The following CFLAR variants were observed in gnomAD, a reference collection of about 807,000 sequenced individuals.
CFLAR encodes CASP8 and FADD like apoptosis regulator.
Under a neutral mutation model 51.1 loss-of-function variants are expected in CFLAR, and 14 were observed. The observed-to-expected ratio is 0.27, with a 90% CI of 0.18 to 0.43. CFLAR has a LOEUF of 0.43. CFLAR is among the 20% of genes least tolerant of loss of function. The pLI is 1.00. For synonymous variants in CFLAR, 210 were observed against 211.6 expected (o/e 0.99, Z 0.06); for missense variants, 390 against 566.5 (o/e 0.69, Z 3.16).
At chr2:201,156,681 G>A (rs1011328228) in intron 8 of CFLAR, among the ~76,000 whole-genome samples, 48 of 152,056 alleles carry the variant, frequency 3.2e-4, no homozygotes, top group African/African-American at 1.1e-3. Flanking sequence ...GAACAGCCCT[G>A]TACTAACTGC....
Position 201,170,428 on chromosome 2 carries a change from A to G in CFLAR, c.*6455A>G, listed in dbSNP as rs1943943440. ...AAGAATTCTAACAAGAGGAATTCCA[A>G]GAATGTCATAAATGGATGTTTCTCC... is the stretch of plus-strand genomic sequence containing the variant. On this transcript the variant is annotated 3_prime_UTR_variant, in exon 10 of 10. Transcript: ENST00000309955. 1 of 152,194 alleles carries G rather than the reference A, an allele frequency of 6.6e-6. No homozygotes were observed. The highest frequency in any genetic ancestry group is 6.5e-5 in the Admixed American group (1 of 15,276). 9.4% of individuals were successfully genotyped at this position (152,194 alleles called of 1,614,324 possible).
chr2:201,152,291 C>T (rs572768720), intron 8 of CFLAR, among the ~76,000 whole-genome samples: 1 of 152,100 alleles, frequency 6.6e-6, no homozygotes, highest in African/African-American at 2.4e-5. Flanking sequence ...CCACCACGCT[C>T]GGCTTCTAAT....
At chr2:201,140,711 C>T in intron 5 of CFLAR, 1 of 288,070 alleles carries the variant, frequency 3.5e-6, no homozygotes, top group South Asian at 6.2e-5. Flanking sequence ...TGGTATATTT[C>T]CTTCTAGACT....
In CFLAR at chr2:201,176,237, T is replaced by C. The variant is rs1944167307; in HGVS notation, c.*12264T>C. On this transcript the variant is annotated 3_prime_UTR_variant, in exon 10 of 10. Coordinates refer to ENST00000309955, the MANE Select transcript of CFLAR (RefSeq NM_003879.7). ...GTTACTTTTCCCCACTCCTGAGATC[T>C]TTTTGAGAAGCTGATGATCAGTCTC... 7.4e-6 allele frequency: 1 copy of C among 134,592 alleles called. No individual in the cohort carries two copies. The highest frequency in any genetic ancestry group is 2.8e-5 in the African/African-American group (1 of 35,418). The allele number at this position is 134,592 out of a possible 1,614,324, so 8.3% of individuals were successfully genotyped here.
At chr2:201,137,085 A>G (rs2050224420) in intron 4 of CFLAR, 1 of 179,168 alleles carries the variant, frequency 5.6e-6, no homozygotes, top group African/African-American at 2.4e-5. Context: ...GAAGTGCCAC[A>G]TGCCTGAGGG....
Position 201,167,151 on chromosome 2 carries a change from CAG to C in CFLAR, c.*3181_*3182del, listed in dbSNP as rs967402954. On this transcript the variant is annotated 3_prime_UTR_variant, in exon 10 of 10. Coordinates refer to ENST00000309955, the MANE Select transcript of CFLAR (RefSeq NM_003879.7). ...TGTATATTTTGTCATGATCATGTAACAGAGTCTGAAAAGTGTCGAAGAGACAG... is the reference window on the plus strand; with the variant it reads ...TGTATATTTTGTCATGATCATGTAACAGTCTGAAAAGTGTCGAAGAGACAG... 1.3e-5 allele frequency: 2 copies of C among 152,048 alleles called. No homozygotes were observed. The highest frequency in any genetic ancestry group is 1.9e-4 in the East Asian group (1 of 5,194). 9.4% of individuals were successfully genotyped at this position (152,048 alleles called of 1,614,324 possible). A position where few individuals can be genotyped will look rare whatever the true frequency, so the allele number is the denominator to read the frequency against.
chr2:201,137,952 A>T (rs965187294), intron 4 of CFLAR: 1 of 756,728 alleles, frequency 1.3e-6, no homozygotes, highest in East Asian at 2.5e-5. Flanking sequence ...CACATGCCCC[A>T]TGGTCTGGAT....
intron 8 of CFLAR, among the ~76,000 whole-genome samples, chr2:201,158,713 A>G (rs1390660706): frequency 6.6e-6 from 1 of 152,102 alleles, no homozygotes; most frequent in Non-Finnish European, 1.5e-5. Flanking sequence ...CTTCTACCAC[A>G]CAGAGTTTTC....
In CFLAR at chr2:201,129,942, G is replaced by C. The variant is rs1337034492; in HGVS notation, c.77G>C (p.Arg26Pro). Reference protein sequence around the residue: ...DEKEMLLFLCRDVAIDVVPPN... With the variant: ...DEKEMLLFLCPDVAIDVVPPN... Reference sequence around the variant, plus strand: ...AAGGAGATGCTGCTCTTTTTGTGCCGGGATGTTGCTATAGATGTGGTTCCA... The same window carrying C: ...AAGGAGATGCTGCTCTTTTTGTGCCCGGATGTTGCTATAGATGTGGTTCCA... Residue 26 changes from arginine (R) to proline (P), a missense_variant, in exon 2 of 10, where the codon CGG becomes CCG. Coordinates refer to ENST00000309955, the MANE Select transcript of CFLAR (RefSeq NM_003879.7). 1 of 1,614,122 alleles carries C rather than the reference G, an allele frequency of 6.2e-7. No homozygotes were observed. Among genetic ancestry groups the C allele is most frequent in the Non-Finnish European group, 8.5e-7 (1 of 1,180,022 alleles).
At chr2:201,128,721 A>C (rs547369787) in intron 1 of CFLAR, among the ~76,000 whole-genome samples, 39 of 152,332 alleles carry the variant, frequency 2.6e-4, no homozygotes, top group African/African-American at 7.5e-4. Context: ...ATTTTTTGTT[A>C]ATAAATTTGA....
intron 5 of CFLAR, chr2:201,141,604 A>G (rs1559211586): frequency 2.4e-5 from 31 of 1,311,242 alleles, no homozygotes; most frequent in Non-Finnish European, 3.0e-5. Context: ...TTCTTTGTGC[A>G]TTTGTTTTTT....
At position 201,136,265 on chromosome 2, in the gene CFLAR, T is replaced by C. The variant is rs780170041; in HGVS notation, c.523+158T>C. The C allele has an allele frequency of 4.7e-5, 75 of 1,601,096 alleles. 1 individual carries two copies. Among genetic ancestry groups the C allele is most frequent in the Non-Finnish European group, 5.7e-5 (67 of 1,179,844 alleles). On this transcript the variant is annotated intron_variant, in intron 4 of 9. Coordinates refer to ENST00000309955, the MANE Select transcript of CFLAR (RefSeq NM_003879.7). ...TGTGGCTAGAAATCGCGTCCCTTTA[T>C]ATTCTTCATATCCCAGATCTGCCAA...
At chr2:201,139,087 AAG>A in intron 4 of CFLAR, 2 of 380,554 alleles carry the variant, frequency 5.3e-6, no homozygotes, top group Non-Finnish European at 1.0e-5. Flanking sequence ...GTTCTGTACT[AAG>A]AAAAATTCTT....
rs184881063 is a variant in CFLAR at position 201,171,039 on chromosome 2, G to A, written c.*7066G>A. 6 of 152,314 alleles carry A rather than the reference G, an allele frequency of 3.9e-5. No individual in the cohort carries two copies. In the East Asian group the frequency reaches 1.2e-3, roughly 29 times the overall value. 9.4% of individuals were successfully genotyped at this position (152,314 alleles called of 1,614,324 possible). A position where few individuals can be genotyped will look rare whatever the true frequency, so the allele number is the denominator to read the frequency against. ...CCTGGAGACTATTACTCTAAAGGAA[G>A]TAACTGAGGAATGGAAAACCAAACA... is the stretch of plus-strand genomic sequence containing the variant. On this transcript the variant is annotated 3_prime_UTR_variant, in exon 10 of 10. Transcript: ENST00000309955.
chr2:201,158,119 G>GT (rs1942476849), intron 8 of CFLAR, among the ~76,000 whole-genome samples: 1 of 152,186 alleles, frequency 6.6e-6, no homozygotes, highest in Admixed American at 6.5e-5. Context: ...CTTCTCTGCT[G>GT]TTATAGCTCA....
chr2:201,156,190 CAA>C (rs1307621186), intron 8 of CFLAR, among the ~76,000 whole-genome samples: 2 of 152,204 alleles, frequency 1.3e-5, no homozygotes, highest in African/African-American at 4.8e-5. Flanking sequence ...CTTTGTAAAA[CAA>C]GAGTTTTCCG....
chr2:201,163,175 T>G, intron 9 of CFLAR: 1 of 976,062 alleles, frequency 1.0e-6, no homozygotes, highest in Non-Finnish European at 1.5e-6. Context: ...GACAATTTGA[T>G]AGGTGAAAAG....
intron 8 of CFLAR, among the ~76,000 whole-genome samples, chr2:201,158,437 G>A (rs2041765): frequency 0.46 from 70,129 of 152,120 alleles, 16,501 homozygotes; most frequent in Non-Finnish European, 0.51. Flanking sequence ...ATTTATCAGT[G>A]AAGAGAGGTT....
rs1944163561 is a variant in CFLAR, at chr2:201,175,980, G to A, written c.*12007G>A. ...AAATCAGCTGGGCATGGTGGTCCAT[G>A]CCTCTAATCCCAGCTACTCGGGAGG... On this transcript the variant is annotated 3_prime_UTR_variant, in exon 10 of 10. Transcript: ENST00000309955. The A allele has an allele frequency of 6.6e-6, 1 of 152,326 alleles. No homozygotes were observed. Among genetic ancestry groups the A allele is most frequent in the Non-Finnish European group, 1.5e-5 (1 of 68,096 alleles). 9.4% of individuals were successfully genotyped at this position (152,326 alleles called of 1,614,324 possible). A position where few individuals can be genotyped will look rare whatever the true frequency, so the allele number is the denominator to read the frequency against.
Sources: allele counts gnomAD v4.1 joint callset (sites outside exome capture counted in the v4.1 genomes callset), GRCh38; gene constraint gnomAD v4.1.1; transcripts MANE v1.5; gene names NCBI Gene and HGNC (gene_info 2026-07-23, HGNC 2026-07-21).